Variants in ZNF787 observed in about 807,000 individuals in gnomAD.
ZNF787 encodes TTF-I-interacting peptide 20.
Under a neutral mutation model 16.9 loss-of-function variants are expected in ZNF787, and 7 were observed. The ratio of observed to expected loss-of-function variants is 0.42; its 90% confidence interval spans 0.24 to 0.78. The LOEUF (loss-of-function observed/expected upper bound fraction) is 0.78, where lower values mean the gene tolerates loss of function less well. Among genes scored for constraint, ZNF787 ranks in the 30% least tolerant of loss-of-function variants. The pLI is 0.30. For synonymous variants in ZNF787, 345 were observed against 270.9 expected (o/e 1.27, Z -2.69); for missense variants, 551 against 589.3 (o/e 0.94, Z 0.67).
In ZNF787 at chr19:56,093,028, A is replaced by AC. The variant is rs534163279; in HGVS notation, c.80-3937dup. ...ACACAGGAGGTGGCGGAAGTGGGCT[A>AC]CCCCATAGACACGGGATGGTGGAAG... On this transcript the variant is annotated intron_variant, in intron 2 of 2. Transcript: ENST00000610935. 9.6e-4 allele frequency among the ~76,000 whole-genome samples: 142 copies of AC among 148,464 alleles called. 1 individual carries two copies. The highest frequency in any genetic ancestry group is 3.4e-3 in the African/African-American group (136 of 39,666).
intron 2 of ZNF787, among the ~76,000 whole-genome samples, chr19:56,091,990 G>A (rs1985606351): frequency 1.3e-5 from 2 of 150,730 alleles, no homozygotes; most frequent in African/African-American, 4.9e-5. Context: ...AGGCGAAACC[G>A]AAGCCAAACG....
At chr19:56,108,166 G>A (rs1167177433) in intron 1 of ZNF787, among the ~76,000 whole-genome samples, 1 of 152,108 alleles carries the variant, frequency 6.6e-6, no homozygotes, top group African/African-American at 2.4e-5. Flanking sequence ...TCCAGAAGCG[G>A]GAGGCACTGA....
At chr19:56,106,940 A>G (rs1276132849) in intron 1 of ZNF787, among the ~76,000 whole-genome samples, 1 of 152,238 alleles carries the variant, frequency 6.6e-6, no homozygotes, top group African/African-American at 2.4e-5. Flanking sequence ...ACCACTATCC[A>G]GGTACAGAAC....
At chr19:56,114,100 C>T (rs934730685) in intron 1 of ZNF787, among the ~76,000 whole-genome samples, 1 of 152,210 alleles carries the variant, frequency 6.6e-6, no homozygotes, top group African/African-American at 2.4e-5. Context: ...CTGCACGTGC[C>T]GGCTGCCCCT....
chr19:56,113,148 G>T (rs2030028882), intron 1 of ZNF787, among the ~76,000 whole-genome samples: 1 of 152,142 alleles, frequency 6.6e-6, no homozygotes, highest in Admixed American at 6.5e-5. Flanking sequence ...ATAGGCACAT[G>T]CAAGGATGTC....
chr19:56,088,860 C>T lies in ZNF787; in HGVS notation c.312G>A (p.Ser104=). ...NACADCGKTF[S]QSSHLVQHRR... ...GGTGCTGCACCAGGTGCGAGCTCTGCGAGAAGGTCTTGCCGCAGTCGGCGC... is the reference window on the plus strand; with the variant it reads ...GGTGCTGCACCAGGTGCGAGCTCTGTGAGAAGGTCTTGCCGCAGTCGGCGC... The change falls in exon 3 of 3, where the codon TCG becomes TCA. Residue 104 remains serine, a synonymous_variant. Transcript: ENST00000610935. This position sits in a 1 kb window ranked among gnomAD's most constrained non-coding sequence, Gnocchi z 8.6. 1.9e-6 allele frequency: 3 copies of T among 1,608,480 alleles called. No homozygotes were observed. Among genetic ancestry groups the T allele is most frequent in the Non-Finnish European group, 1.7e-6 (2 of 1,177,500 alleles).
chr19:56,091,758 C>T (rs1212478975), intron 2 of ZNF787, among the ~76,000 whole-genome samples: 2 of 152,244 alleles, frequency 1.3e-5, no homozygotes, highest in Admixed American at 1.3e-4. Flanking sequence ...TTACATCTTG[C>T]AGATTCCTGG....
At chr19:56,095,166 G>C (rs1985824860) in intron 2 of ZNF787, among the ~76,000 whole-genome samples, 1 of 152,174 alleles carries the variant, frequency 6.6e-6, no homozygotes, top group East Asian at 1.9e-4. Context: ...CATATGTGCA[G>C]TTCCCGCTCC....
intron 1 of ZNF787, among the ~76,000 whole-genome samples, chr19:56,120,054 G>A (rs560731189): frequency 6.6e-6 from 1 of 152,278 alleles, no homozygotes; most frequent in South Asian, 2.1e-4. Flanking sequence ...TGCCTTCCCT[G>A]GCTCCCACAG....
intron 1 of ZNF787, 88 bp from the exon 2 acceptor site, chr19:56,103,315 C>T (rs1309350166): frequency 4.2e-6 from 5 of 1,204,168 alleles, no homozygotes; most frequent in Admixed American, 2.8e-5. Flanking sequence ...CTGCAGACCC[C>T]GGCGTGACAG....
In ZNF787 at chr19:56,089,073, A is replaced by C. The variant is rs200449995; in HGVS notation, c.99T>G (p.Asp33Glu). The change falls in exon 3 of 3, where the codon GAT becomes GAG. Residue 33 changes from aspartate (D) to glutamate (E), a missense_variant. Around this residue, in one of 4 missense-constraint regions of ZNF787, gnomAD observed 80 missense variants for 105.9 expected, o/e 0.76. Transcript: ENST00000610935. ...HENPVDILIMDDDDVPSWPPT... is the reference protein window; with the variant it reads ...HENPVDILIMEDDDVPSWPPT... ...GAGGCCAGCTGGGGACGTCGTCATC[A>C]TCCATGATGAGGATGTCCACTGGAA... is the stretch of plus-strand genomic sequence containing the variant. 110 of 1,466,636 alleles carry C rather than the reference A, an allele frequency of 7.5e-5. No individual in the cohort carries two copies. Among genetic ancestry groups the C allele is most frequent in the Non-Finnish European group, 1.8e-5 (20 of 1,111,894 alleles). The allele number at this position is 1,466,636 out of a possible 1,614,324, so 90.9% of individuals were successfully genotyped here. A position where few individuals can be genotyped will look rare whatever the true frequency, so the allele number is the denominator to read the frequency against.
intron 1 of ZNF787, among the ~76,000 whole-genome samples, chr19:56,106,194 C>A (rs953582987): frequency 3.2e-4 from 49 of 152,350 alleles, no homozygotes; most frequent in African/African-American, 1.1e-3. Context: ...GTGCTCTGCA[C>A]AGGAGAGGGA....
intron 1 of ZNF787, among the ~76,000 whole-genome samples, chr19:56,112,534 T>G (rs2030010082): frequency 6.6e-6 from 1 of 151,818 alleles, no homozygotes; most frequent in Admixed American, 6.6e-5. Context: ...TCCCCTTTCT[T>G]CTGCTGCCAA....
chr19:56,103,799 C>G (rs1452447977), intron 1 of ZNF787, among the ~76,000 whole-genome samples: 1 of 149,256 alleles, frequency 6.7e-6, no homozygotes, highest in Non-Finnish European at 1.5e-5. Flanking sequence ...CCAGGAGGGT[C>G]TCTACGCACG....
intron 2 of ZNF787, among the ~76,000 whole-genome samples, chr19:56,094,207 T>TC (rs1555775794): frequency 2.1e-4 from 30 of 145,720 alleles, no homozygotes; most frequent in Non-Finnish European, 3.2e-4. Context: ...TTTTTTTTTT[T>TC]CATTTTCAGT....
intron 2 of ZNF787, among the ~76,000 whole-genome samples, chr19:56,099,882 G>A (rs965974309): frequency 2.0e-5 from 3 of 151,972 alleles, no homozygotes; most frequent in Admixed American, 1.3e-4. Flanking sequence ...GACAGGCGGC[G>A]GATTCTCGCT....
Position 56,103,281 on chromosome 19 carries a change from C to A in ZNF787, c.-10-54G>T. The A allele has an allele frequency of 3.4e-6, 5 of 1,474,032 alleles. No homozygotes were observed. In the South Asian group the frequency reaches 6.9e-5, roughly 20 times the overall value. 91.3% of individuals were successfully genotyped at this position (1,474,032 alleles called of 1,614,324 possible). On this transcript the variant is annotated intron_variant, in intron 1 of 2. Transcript: ENST00000610935. Reference sequence around the variant, plus strand: ...AGAGTTTATGGGGTGCCAGGCTGCACCGAGGGCCCTGCAGGGAGGCAGCCT... The same window carrying A: ...AGAGTTTATGGGGTGCCAGGCTGCAACGAGGGCCCTGCAGGGAGGCAGCCT...
In ZNF787 at chr19:56,088,991, G is replaced by GCGGC; in HGVS notation, c.177_180dup (p.Arg61AlafsTer17). On this transcript the variant is annotated frameshift_variant, in exon 3 of 3. Coordinates refer to ENST00000610935, the MANE Select transcript of ZNF787 (RefSeq NM_001002836.4). LOFTEE classifies it high-confidence loss of function. The surrounding 1 kb of genome is among the most constrained non-coding windows in gnomAD (Gnocchi z 8.6). ...TTGCAGATGTAGGGGGCGGGCGGCC[G>GCGGC]CGGCCGGGGAGGCGGGCCGGCTGGG... 6.7e-7 allele frequency: 1 copy of GCGGC among 1,498,880 alleles called. No individual in the cohort carries two copies. The highest frequency in any genetic ancestry group is 1.4e-5 in the South Asian group (1 of 73,646). The allele number at this position is 1,498,880 out of a possible 1,614,324, so 92.8% of individuals were successfully genotyped here. A position where few individuals can be genotyped will look rare whatever the true frequency, so the allele number is the denominator to read the frequency against.
chr19:56,093,383 C>CT (rs1985738328), intron 2 of ZNF787, among the ~76,000 whole-genome samples: 1 of 152,104 alleles, frequency 6.6e-6, no homozygotes, highest in Non-Finnish European at 1.5e-5. Flanking sequence ...AACCCTCTTG[C>CT]TGGGTGCACA....
Sources: gnomAD v4.1 joint callset for allele counts (sites outside exome capture counted in the v4.1 genomes callset) on GRCh38, gnomAD v4.1.1 for gene constraint, gnomAD v4.1.1 regional missense constraint, Gnocchi (gnomAD v3.1) non-coding constraint, MANE v1.5 for transcripts, NCBI Gene and HGNC (gene_info 2026-07-23, HGNC 2026-07-21) for gene names.